The following PDE2A variants were observed in gnomAD, a reference collection of about 807,000 sequenced individuals.
PDE2A encodes phosphodiesterase 2A, also known as cGMP-dependent 3',5'-cyclic phosphodiesterase.
Under a neutral mutation model 133.6 loss-of-function variants are expected in PDE2A, and 53 were observed. The ratio of observed to expected loss-of-function variants is 0.40; its 90% confidence interval spans 0.32 to 0.50. The LOEUF (loss-of-function observed/expected upper bound fraction) is 0.50, where lower values mean the gene tolerates loss of function less well. Ranked by LOEUF, PDE2A falls within the 20% of genes least tolerant of loss-of-function variation. The probability of loss-of-function intolerance (pLI) is 0.73; values close to 1 mark genes in which losing one functional copy is unlikely to be tolerated. For missense variants in PDE2A, 796 were observed against 1,232.4 expected (o/e 0.65, Z 5.30); for synonymous variants, 491 against 490.2 (o/e 1.00, Z -0.02).
intron 2 of PDE2A, among the ~76,000 whole-genome samples, chr11:72,627,991 G>A (rs1257986757): frequency 6.6e-6 from 1 of 152,238 alleles, no homozygotes; most frequent in Non-Finnish European, 1.5e-5. Context: ...ATCCCAGGAG[G>A]GTGTGCTGAA....
At chr11:72,589,413 T>A (rs1022643207) in intron 11 of PDE2A, among the ~76,000 whole-genome samples, 173 bp from the exon 12 acceptor site, 1 of 152,156 alleles carries the variant, frequency 6.6e-6, no homozygotes, top group African/African-American at 2.4e-5. Flanking sequence ...GAATTCGCTA[T>A]AAAGGACTCT....
chr11:72,650,466 A>G (rs1344867665), intron 1 of PDE2A, among the ~76,000 whole-genome samples: 1 of 151,760 alleles, frequency 6.6e-6, no homozygotes, highest in Non-Finnish European at 1.5e-5. Context: ...CCATCACTAA[A>G]TCCCCAGCCC....
At chr11:72,628,514 T>A (rs1858201308) in intron 2 of PDE2A, among the ~76,000 whole-genome samples, 1 of 152,094 alleles carries the variant, frequency 6.6e-6, no homozygotes, top group African/African-American at 2.4e-5. Flanking sequence ...GTATTTTTAG[T>A]AGAGACAGGT....
intron 4 of PDE2A, among the ~76,000 whole-genome samples, chr11:72,600,949 T>G (rs1254670266): frequency 6.6e-6 from 1 of 151,766 alleles, no homozygotes; most frequent in Non-Finnish European, 1.5e-5. Context: ...GGTTCTCTGC[T>G]GGTAGGGCCA....
chr11:72,652,345 C>T (rs1854763444), intron 1 of PDE2A, among the ~76,000 whole-genome samples: 1 of 152,136 alleles, frequency 6.6e-6, no homozygotes, highest in African/African-American at 2.4e-5. Flanking sequence ...CTCCAGGGCT[C>T]AAGTGATCCT....
chr11:72,674,282 C>G lies in PDE2A; in HGVS notation c.-75G>C. 1 of 1,458,930 alleles carries G rather than the reference C, an allele frequency of 6.9e-7. No individual in the cohort carries two copies. The highest frequency in any genetic ancestry group is 1.9e-5 in the Admixed American group (1 of 52,498). The allele number at this position is 1,458,930 out of a possible 1,614,324, so 90.4% of individuals were successfully genotyped here. On this transcript the variant is annotated 5_prime_UTR_variant, in exon 1 of 31. Coordinates refer to ENST00000334456, the MANE Select transcript of PDE2A (RefSeq NM_002599.5). ...TGTCCCCGCTGCCTGGAGTTCAGGG[C>G]AGGGCACCCCCAGCAGGCACAGGGA... is the stretch of plus-strand genomic sequence containing the variant.
At chr11:72,614,813 G>T (rs535017454) in intron 2 of PDE2A, among the ~76,000 whole-genome samples, 33 of 152,284 alleles carry the variant, frequency 2.2e-4, no homozygotes, top group African/African-American at 7.9e-4. Context: ...CCCAGGGAAG[G>T]TCCCAATGGA....
intron 2 of PDE2A, chr11:72,615,139 G>A: frequency 2.0e-6 from 1 of 493,432 alleles, no homozygotes; most frequent in Admixed American, 2.0e-5. Flanking sequence ...ACCTGAGCCA[G>A]TCCCAGTGCC....
intron 1 of PDE2A, among the ~76,000 whole-genome samples, chr11:72,663,712 G>A (rs1383096492): frequency 1.5e-5 from 2 of 135,790 alleles, no homozygotes; most frequent in African/African-American, 5.7e-5. Context: ...CTGGGCGACA[G>A]AGCAAGACTG....
At chr11:72,629,157 G>T (rs1415332404) in intron 2 of PDE2A, among the ~76,000 whole-genome samples, 1 of 152,240 alleles carries the variant, frequency 6.6e-6, no homozygotes, top group Non-Finnish European at 1.5e-5. Context: ...GAAAGGCAGA[G>T]AAAATACAGG....
At chr11:72,598,964 T>A (rs1264387855) in intron 4 of PDE2A, 2 of 985,268 alleles carry the variant, frequency 2.0e-6, no homozygotes, top group Non-Finnish European at 2.4e-6. Context: ...GGACGTAGGG[T>A]GGCAGGAGGG....
At chr11:72,604,761 C>T (rs1193064922) in intron 4 of PDE2A, among the ~76,000 whole-genome samples, 1 of 152,118 alleles carries the variant, frequency 6.6e-6, no homozygotes, top group African/African-American at 2.4e-5. Context: ...TCCTGCAGGC[C>T]CAGCATGCTG....
intron 1 of PDE2A, chr11:72,669,010 C>T (rs748472889): frequency 1.0e-6 from 1 of 992,634 alleles, no homozygotes; most frequent in Non-Finnish European, 1.2e-6. Flanking sequence ...AGTAGCTAAC[C>T]TTTGTGAGCA....
chr11:72,630,949 GA>G, intron 2 of PDE2A: 1 of 715,338 alleles, frequency 1.4e-6, no homozygotes. Flanking sequence ...TCCTAGTCTG[GA>G]GGGCTGGGGC....
chr11:72,580,247 C>T (rs571318761), intron 25 of PDE2A, among the ~76,000 whole-genome samples: 6 of 152,094 alleles, frequency 3.9e-5, no homozygotes, highest in South Asian at 2.1e-4. Flanking sequence ...ACCTTGTGCA[C>T]GAGGAGGTAG....
intron 12 of PDE2A, 103 bp downstream of exon 12, chr11:72,589,072 T>C: frequency 2.4e-6 from 3 of 1,247,794 alleles, no homozygotes; most frequent in Non-Finnish European, 1.2e-6. Flanking sequence ...CCCCAGGTCT[T>C]ATCTGCCCCA....
chr11:72,619,207 A>T (rs1857626382), intron 2 of PDE2A, among the ~76,000 whole-genome samples: 1 of 152,152 alleles, frequency 6.6e-6, no homozygotes, highest in South Asian at 2.1e-4. Flanking sequence ...CCTCTATACA[A>T]TTCAAACTAA....
rs1432820955 is a variant in PDE2A, at chr11:72,590,431, C to T, written c.699G>A (p.Leu233=). The T allele has an allele frequency of 3.2e-6, 5 of 1,567,614 alleles. No homozygotes were observed. The African/African-American group carries it at 5.4e-5, about 17-fold the overall frequency. Residue 233 remains leucine (L), a synonymous_variant, in exon 8 of 31, where the codon CTG becomes CTA. Transcript: ENST00000334456. The surrounding 1 kb of genome is among the most constrained non-coding windows in gnomAD (Gnocchi z 4.8). The stretch of plus-strand genomic sequence containing the variant: ...CTGTCCAGGCCGGGCCCTCACCGCA[C>T]AGTTGGAGGATCTTGCGGTCGCGGT... ...YTDRDRKILQ[L]CGELYDLDAS...
At position 72,652,995 on chromosome 11, in the gene PDE2A, G is replaced by A. The variant is rs540290319; in HGVS notation, c.72-10669C>T. 7.2e-5 allele frequency among the ~76,000 whole-genome samples: 11 copies of A among 152,352 alleles called. No individual in the cohort carries two copies. In the South Asian group the frequency reaches 1.4e-3, roughly 20 times the overall value. ...CTTCCTGATTGATCAAAAGGCACTC[G>A]CTCAATCGGCAAAGGCTCCTGTGGT... On this transcript the variant is annotated intron_variant, in intron 1 of 30. Coordinates refer to ENST00000334456, the MANE Select transcript of PDE2A (RefSeq NM_002599.5).
Sources: gnomAD v4.1 joint callset for allele counts (sites outside exome capture counted in the v4.1 genomes callset) on GRCh38, gnomAD v4.1.1 for gene constraint, Gnocchi (gnomAD v3.1) non-coding constraint, MANE v1.5 for transcripts, NCBI Gene and HGNC (gene_info 2026-07-23, HGNC 2026-07-21) for gene names.